The following TBCA variants were observed in gnomAD, a reference collection of about 807,000 sequenced individuals.
The protein encoded by TBCA is tubulin folding cofactor A.
A neutral mutation model predicts 15.8 loss-of-function variants in TBCA; 6 were observed. The ratio of observed to expected loss-of-function variants is 0.38; its 90% CI spans 0.21 to 0.75. The LOEUF is 0.75. Ranked by LOEUF, TBCA falls within the 30% of genes least tolerant of loss-of-function variation. TBCA has a pLI of 0.46. For synonymous variants in TBCA, 32 were observed against 42.3 expected (o/e 0.76, Z 0.94); for missense variants, 90 against 131.2 (o/e 0.69, Z 1.53).
At chr5:77,767,700 C>A (rs1293273449) in intron 1 of TBCA, among the ~76,000 whole-genome samples, 3 of 152,170 alleles carry the variant, frequency 2.0e-5, no homozygotes, top group African/African-American at 7.2e-5. Flanking sequence ...GTGAACAGAA[C>A]AAGCAACTAA....
intron 3 of TBCA, chr5:77,692,654 A>T: frequency 1.0e-6 from 1 of 985,304 alleles, no homozygotes; most frequent in East Asian, 1.1e-4. Flanking sequence ...AGAAAAAAGC[A>T]TTTAAACTGT....
intron 1 of TBCA, among the ~76,000 whole-genome samples, chr5:77,719,708 C>T (rs1025827769): frequency 5.9e-5 from 9 of 152,076 alleles, no homozygotes; most frequent in African/African-American, 2.2e-4. Flanking sequence ...CTATGAATCT[C>T]AAGGATTAAT....
intron 1 of TBCA, among the ~76,000 whole-genome samples, chr5:77,742,267 AG>A (rs1226700622): frequency 2.6e-5 from 4 of 152,158 alleles, no homozygotes; most frequent in Non-Finnish European, 5.9e-5. Context: ...ACGCTCAAAA[AG>A]GTTTCAGATT....
chr5:77,767,986 C>A (rs1337953523), intron 1 of TBCA, among the ~76,000 whole-genome samples: 3 of 152,206 alleles, frequency 2.0e-5, no homozygotes, highest in Non-Finnish European at 4.4e-5. Context: ...ATAAAAGAGG[C>A]TTCACACAGC....
At chr5:77,764,966 T>A (rs1273653498) in intron 1 of TBCA, among the ~76,000 whole-genome samples, 1 of 152,038 alleles carries the variant, frequency 6.6e-6, no homozygotes, top group Non-Finnish European at 1.5e-5. Context: ...AAAATAAATT[T>A]TTTAAATATT....
chr5:77,767,956 T>C (rs1032807560), intron 1 of TBCA, among the ~76,000 whole-genome samples: 5 of 152,192 alleles, frequency 3.3e-5, no homozygotes, highest in Admixed American at 3.3e-4. Context: ...TCCTCCCTTG[T>C]GAATGGGATT....
chr5:77,766,748 C>T lies in TBCA; in HGVS notation c.53+9457G>A, dbSNP rs1747786759. On this transcript the variant is annotated intron_variant, in intron 1 of 3. Coordinates refer to ENST00000380377, the MANE Select transcript of TBCA (RefSeq NM_004607.3). ...TCCTGACCTCGTGATCCGCCCGCCT[C>T]GGCCTCCCAAAGTGCTGGGATTACA... Among the ~76,000 whole-genome samples the T allele has an allele frequency of 8.9e-5, 2 of 22,478 alleles. 1 individual carries two copies. The highest frequency in any genetic ancestry group is 1.9e-4 in the Non-Finnish European group (2 of 10,348). 14.7% of individuals were successfully genotyped at this position (22,478 alleles called of 152,430 possible). A position where few individuals can be genotyped will look rare whatever the true frequency, so the allele number is the denominator to read the frequency against.
chr5:77,757,492 A>G (rs1448075617), intron 1 of TBCA, among the ~76,000 whole-genome samples: 2 of 152,328 alleles, frequency 1.3e-5, no homozygotes, highest in East Asian at 3.9e-4. Flanking sequence ...AAATTCCAGA[A>G]AAGGAGTTGT....
chr5:77,750,470 A>G (rs1022103575), intron 1 of TBCA, among the ~76,000 whole-genome samples: 1 of 152,192 alleles, frequency 6.6e-6, no homozygotes, highest in Non-Finnish European at 1.5e-5. Flanking sequence ...TGTCTAAAAA[A>G]GGTCTAGTCC....
In TBCA at chr5:77,708,295, TTTC is replaced by T. The variant is rs1323215769; in HGVS notation, c.103_105del (p.Glu35del). On this transcript the variant is annotated inframe_deletion, in exon 2 of 4. Transcript: ENST00000380377. ...TCTTCAGCTCTCATTTTTTCAATCT[TTTC>T]TTCTTGTTGTTTTGCCTCTTTTTCA... The T allele has an allele frequency of 6.2e-7, 1 of 1,611,902 alleles. No individual in the cohort carries two copies. The highest frequency in any genetic ancestry group is 8.5e-7 in the Non-Finnish European group (1 of 1,178,960).
chr5:77,742,315 A>G (rs1747058186), intron 1 of TBCA, among the ~76,000 whole-genome samples: 1 of 152,106 alleles, frequency 6.6e-6, no homozygotes, highest in Non-Finnish European at 1.5e-5. Flanking sequence ...GGAATATTCA[A>G]CCTGTAACAA....
chr5:77,742,282 G>T (rs1747057070), intron 1 of TBCA, among the ~76,000 whole-genome samples: 1 of 151,952 alleles, frequency 6.6e-6, no homozygotes, highest in African/African-American at 2.4e-5. Flanking sequence ...TCAGATTTGG[G>T]GGCACTTCAG....
At chr5:77,712,795 T>C (rs1276429011) in intron 1 of TBCA, among the ~76,000 whole-genome samples, 1 of 152,194 alleles carries the variant, frequency 6.6e-6, no homozygotes. Flanking sequence ...TATTAATGTG[T>C]ATGATTGTAG....
At chr5:77,749,319 T>G (rs1342621745) in intron 1 of TBCA, among the ~76,000 whole-genome samples, 1 of 152,252 alleles carries the variant, frequency 6.6e-6, no homozygotes, top group Non-Finnish European at 1.5e-5. Flanking sequence ...ACAGTTATTA[T>G]ATGCGTAATA....
intron 1 of TBCA, among the ~76,000 whole-genome samples, chr5:77,750,472 G>A (rs1747297653): frequency 6.6e-6 from 1 of 152,066 alleles, no homozygotes. Context: ...TCTAAAAAAG[G>A]TCTAGTCCAA....
chr5:77,775,177 G>A (rs571868239), intron 1 of TBCA, among the ~76,000 whole-genome samples: 6 of 152,244 alleles, frequency 3.9e-5, no homozygotes, highest in African/African-American at 1.4e-4. Flanking sequence ...AGACAAATGC[G>A]TAACTGACTG....
intron 1 of TBCA, among the ~76,000 whole-genome samples, chr5:77,714,497 C>T (rs983807527): frequency 6.6e-6 from 1 of 151,876 alleles, no homozygotes; most frequent in African/African-American, 2.4e-5. Context: ...TGATTTATAA[C>T]CTGGATTTAT....
intron 1 of TBCA, among the ~76,000 whole-genome samples, chr5:77,713,687 TCTA>T (rs773669798): frequency 1.4e-4 from 21 of 152,182 alleles, no homozygotes; most frequent in Non-Finnish European, 2.6e-4. Context: ...ATTAAATCAA[TCTA>T]CTATTTCAGC....
intron 1 of TBCA, among the ~76,000 whole-genome samples, chr5:77,773,146 T>C (rs780482261): frequency 3.3e-5 from 5 of 152,208 alleles, no homozygotes; most frequent in Non-Finnish European, 7.3e-5. Flanking sequence ...AAAAGTCTGG[T>C]AAAAAGAACT....
Sources: gnomAD v4.1 joint callset for allele counts (sites outside exome capture counted in the v4.1 genomes callset) on GRCh38, gnomAD v4.1.1 for gene constraint, MANE v1.5 for transcripts, NCBI Gene and HGNC (gene_info 2026-07-23, HGNC 2026-07-21) for gene names.